Variants in SLC25A21 observed in about 807,000 individuals in gnomAD.
The protein encoded by SLC25A21 is mitochondrial 2-oxodicarboxylate carrier.
A neutral mutation model predicts 43.8 loss-of-function variants in SLC25A21; 47 were observed. The ratio of observed to expected loss-of-function variants is 1.07; its 90% confidence interval spans 0.85 to 1.37. SLC25A21 has a LOEUF of 1.37. SLC25A21 is among the 40% of genes most tolerant of loss of function. The probability of loss-of-function intolerance (pLI) is 0.00; values close to 1 mark genes in which losing one functional copy is unlikely to be tolerated. For synonymous variants in SLC25A21, 131 were observed against 121.3 expected, an observed-to-expected ratio of 1.08 and a Z score of -0.52; for missense variants, 352 against 350.2, an observed-to-expected ratio of 1.00 and a Z score of -0.04.
chr14:37,126,783 C>T (rs979552024), intron 1 of SLC25A21, among the ~76,000 whole-genome samples: 1 of 152,184 alleles, frequency 6.6e-6, no homozygotes, highest in Non-Finnish European at 1.5e-5. Context: ...TTAATCACTT[C>T]CTTGCCCTCA....
At chr14:36,965,518 A>C (rs1352202204) in intron 1 of SLC25A21, among the ~76,000 whole-genome samples, 1 of 152,200 alleles carries the variant, frequency 6.6e-6, no homozygotes, top group Non-Finnish European at 1.5e-5. Flanking sequence ...ATAGTTTCTA[A>C]CATTCCAATG....
At chr14:37,127,636 T>A (rs1000844557) in intron 1 of SLC25A21, among the ~76,000 whole-genome samples, 1 of 152,126 alleles carries the variant, frequency 6.6e-6, no homozygotes, top group African/African-American at 2.4e-5. Flanking sequence ...TAAAATCCAA[T>A]CCCTTCATTG....
At chr14:36,704,662 A>AC (rs1460281664) in intron 7 of SLC25A21, among the ~76,000 whole-genome samples, 10 of 151,752 alleles carry the variant, frequency 6.6e-5, no homozygotes, top group African/African-American at 2.4e-4. Flanking sequence ...GTCTCAAAAA[A>AC]AAAAAAAAAC....
At chr14:36,779,933 G>T (rs957509764) in intron 3 of SLC25A21, among the ~76,000 whole-genome samples, 1 of 151,840 alleles carries the variant, frequency 6.6e-6, no homozygotes, top group African/African-American at 2.4e-5. Context: ...GTTGTAAGTC[G>T]AGCTGGCCTT....
rs551649420 is a variant in SLC25A21, at chr14:37,118,975, G to A, written c.70+53306C>T. Among the ~76,000 whole-genome samples, 11 of 152,152 alleles carry A rather than the reference G, an allele frequency of 7.2e-5. No homozygotes were observed. In the East Asian group the frequency reaches 7.7e-4, roughly 11 times the overall value. On this transcript the variant is annotated intron_variant, in intron 1 of 9. Transcript: ENST00000331299. ...AGATACAAGTCACAAAGATCCTGCC[G>A]ATAAAACAGCATGCAGTTAAGAAGC...
intron 1 of SLC25A21, among the ~76,000 whole-genome samples, chr14:36,918,570 A>C (rs2021403): frequency 0.046 from 7,022 of 152,246 alleles, 227 homozygotes; most frequent in Non-Finnish European, 0.072. Flanking sequence ...GAGAAAGCCC[A>C]ACACAGAGGA....
chr14:36,748,727 C>G (rs74044965), intron 3 of SLC25A21, among the ~76,000 whole-genome samples: 49 of 152,234 alleles, frequency 3.2e-4, no homozygotes, highest in African/African-American at 1.1e-3. Context: ...GGTCCTATGA[C>G]TTTAGTTATC....
rs192679384 is a variant in SLC25A21, at chr14:37,017,588, T to C, written c.71-142584A>G. Among the ~76,000 whole-genome samples the C allele has an allele frequency of 7.8e-4, 119 of 152,072 alleles. 2 individuals are homozygous for C. In the South Asian group the frequency reaches 0.023, roughly 29 times the overall value. ...CACGCTGCTGGGAAAATGGTGCCAA[T>C]AGACTTTCCAGACACAGGGTTGCCG... is the stretch of plus-strand genomic sequence containing the variant. On this transcript the variant is annotated intron_variant, in intron 1 of 9. Coordinates refer to ENST00000331299, the MANE Select transcript of SLC25A21 (RefSeq NM_030631.4).
intron 1 of SLC25A21, among the ~76,000 whole-genome samples, chr14:37,085,745 A>C (rs998120575): frequency 6.6e-6 from 1 of 152,224 alleles, no homozygotes; most frequent in African/African-American, 2.4e-5. Flanking sequence ...TCTAGTGATA[A>C]AAACCAGCCT....
chr14:37,155,473 T>C (rs2138940773), intron 1 of SLC25A21, among the ~76,000 whole-genome samples: 1 of 152,292 alleles, frequency 6.6e-6, no homozygotes, highest in Admixed American at 6.5e-5. Context: ...CCAAAAAGTT[T>C]TCACAGCACA....
intron 3 of SLC25A21, among the ~76,000 whole-genome samples, chr14:36,791,610 A>G (rs1320613048): frequency 1.3e-5 from 2 of 152,230 alleles, no homozygotes; most frequent in Non-Finnish European, 2.9e-5. Flanking sequence ...CAGACATAAA[A>G]GTGATTTATA....
chr14:36,910,390 T>C (rs1044812331), intron 1 of SLC25A21, among the ~76,000 whole-genome samples: 1 of 152,008 alleles, frequency 6.6e-6, no homozygotes, highest in Non-Finnish European at 1.5e-5. Flanking sequence ...CGATGGGAGA[T>C]GAGATAGAGT....
rs898532423 is a variant in SLC25A21, at chr14:36,763,729, T to C, written c.204-29156A>G. On this transcript the variant is annotated intron_variant, in intron 3 of 9. Transcript: ENST00000331299. ...AAAGGCAGCCTATCAAGTCCATTAT[T>C]AGAAATTGTTTAGCTTCCCAGGCAG... is the stretch of plus-strand genomic sequence containing the variant. Among the ~76,000 whole-genome samples the C allele has an allele frequency of 5.5e-4, 83 of 151,838 alleles. 1 individual carries two copies. Among genetic ancestry groups the C allele is most frequent in the Non-Finnish European group, 5.9e-4 (40 of 67,980 alleles).
intron 1 of SLC25A21, among the ~76,000 whole-genome samples, chr14:37,159,692 A>G (rs1194750836): frequency 1.3e-5 from 2 of 152,168 alleles, no homozygotes; most frequent in Non-Finnish European, 2.9e-5. Flanking sequence ...CTAATACCTC[A>G]AAAGTACAGG....
At chr14:36,868,446 T>C (rs1332296289) in intron 2 of SLC25A21, among the ~76,000 whole-genome samples, 2 of 152,184 alleles carry the variant, frequency 1.3e-5, no homozygotes, top group African/African-American at 4.8e-5. Context: ...AACACATCAC[T>C]TGTCATGCGG....
At chr14:36,929,736 G>A (rs374925524) in intron 1 of SLC25A21, among the ~76,000 whole-genome samples, 18 of 152,230 alleles carry the variant, frequency 1.2e-4, no homozygotes, top group African/African-American at 4.1e-4. Flanking sequence ...GTGGCAAAAG[G>A]TGGTACTATA....
chr14:36,770,800 A>G (rs1180658005), intron 3 of SLC25A21, among the ~76,000 whole-genome samples: 2 of 152,176 alleles, frequency 1.3e-5, no homozygotes, highest in Non-Finnish European at 2.9e-5. Flanking sequence ...TCATTTTGCC[A>G]TATATAATTA....
At chr14:37,030,202 G>A (rs1961181402) in intron 1 of SLC25A21, among the ~76,000 whole-genome samples, 1 of 152,156 alleles carries the variant, frequency 6.6e-6, no homozygotes, top group South Asian at 2.1e-4. Context: ...TTTTCATTAA[G>A]TGGAAGTAGA....
intron 1 of SLC25A21, among the ~76,000 whole-genome samples, chr14:36,896,752 A>C (rs982447138): frequency 2.0e-5 from 3 of 152,160 alleles, no homozygotes; most frequent in Non-Finnish European, 4.4e-5. Context: ...AAAATCTCTC[A>C]GCATTTGCTT....
Sources: gnomAD v4.1 joint callset for allele counts (sites outside exome capture counted in the v4.1 genomes callset) on GRCh38, gnomAD v4.1.1 for gene constraint, MANE v1.5 for transcripts, NCBI Gene and HGNC (gene_info 2026-07-23, HGNC 2026-07-21) for gene names.